NXF1: variants seen among roughly 807,000 people sequenced by gnomAD.
NXF1 encodes the protein nuclear RNA export factor 1, also known as mRNA export factor TAP.
A neutral mutation model predicts 92.4 loss-of-function variants in NXF1; 43 were observed. That is an observed-to-expected ratio of 0.47 (90% CI 0.36 to 0.60). The LOEUF (loss-of-function observed/expected upper bound fraction) is 0.60, where lower values mean the gene tolerates loss of function less well. NXF1 is among the 20% of genes least tolerant of loss of function. NXF1 has a pLI of 0.00. For synonymous variants in NXF1, 288 were observed against 292.2 expected (o/e 0.99, Z 0.15); for missense variants, 576 against 793.0 (o/e 0.73, Z 3.29).
At chr11:62,799,443 G>A (rs2084455759) in intron 10 of NXF1, 2 of 985,630 alleles carry the variant, frequency 2.0e-6, no homozygotes, top group African/African-American at 1.7e-5. Flanking sequence ...GAGGGTTCAG[G>A]CCCCTGTAGG....
chr11:62,797,672 C>CAA (rs1232787499), intron 11 of NXF1, among the ~76,000 whole-genome samples: 2 of 152,150 alleles, frequency 1.3e-5, no homozygotes, highest in Non-Finnish European at 2.9e-5. Context: ...TGCCACTGCA[C>CAA]TCCAGCCTGG....
Position 62,802,013 on chromosome 11 carries a change from C to G in NXF1, c.487G>C (p.Val163Leu). Residue 163 changes from valine (V) to leucine (L), a missense_variant, in exon 5 of 21, where the codon GTT becomes CTT. Transcript: ENST00000294172. Reference sequence around the variant, plus strand: ...GCAGAGGCAGTACTGGCGTCTTCAACGAAGAACTGGGCCCGTGTATTCTCA... The same window carrying G: ...GCAGAGGCAGTACTGGCGTCTTCAAGGAAGAACTGGGCCCGTGTATTCTCA... ...HYENTRAQFF[V>L]EDASTASALK... The G allele has an allele frequency of 6.2e-7, 1 of 1,614,208 alleles. No homozygotes were observed. The highest frequency in any genetic ancestry group is 8.5e-7 in the Non-Finnish European group (1 of 1,180,028).
At position 62,801,649 on chromosome 11, in the gene NXF1, G is replaced by GT; in HGVS notation, c.640-19dup. 6.2e-7 allele frequency: 1 copy of GT among 1,613,916 alleles called. No homozygotes were observed. The highest frequency in any genetic ancestry group is 8.5e-7 in the Non-Finnish European group (1 of 1,179,844). On this transcript the variant is annotated intron_variant, in intron 6 of 20. Coordinates refer to ENST00000294172, the MANE Select transcript of NXF1 (RefSeq NM_006362.5). ...ATGATCAGCTAGAGGAAAAAGAAGGGTTTAGTGGTCACTGGGTTTGTGTGT... is the reference window on the plus strand; with the variant it reads ...ATGATCAGCTAGAGGAAAAAGAAGGGTTTTAGTGGTCACTGGGTTTGTGTGT...
chr11:62,801,046 A>G (rs1210953627), intron 9 of NXF1, 48 bp downstream of exon 9: 1 of 1,394,788 alleles, frequency 7.2e-7, no homozygotes, highest in African/African-American at 1.4e-5. Context: ...AACTCTCTAC[A>G]CCCTCTACCC....
chr11:62,802,107 G>A (rs549084120), intron 4 of NXF1, 61 bp from the exon 5 acceptor site: 32 of 1,605,792 alleles, frequency 2.0e-5, no homozygotes, highest in Non-Finnish European at 2.5e-5. Flanking sequence ...GGGGCATTAC[G>A]CTGGGAGTCC....
Position 62,800,495 on chromosome 11 carries a change from G to A in NXF1, c.907-9C>T. On this transcript the variant is annotated splice_polypyrimidine_tract_variant and intron_variant, in intron 9 of 20. Transcript: ENST00000294172. ...TCCCGCTCAGACTTCAACTGCAAAG[G>A]GTGGAAGGAACAAAGGGAGGAGACC... 6.2e-7 allele frequency: 1 copy of A among 1,606,554 alleles called. No individual in the cohort carries two copies. The highest frequency in any genetic ancestry group is 8.5e-7 in the Non-Finnish European group (1 of 1,174,358).
In NXF1 at chr11:62,792,265, A is replaced by AACT; in HGVS notation, c.*210_*211insAGT. On this transcript the variant is annotated 3_prime_UTR_variant, in exon 21 of 21. Transcript: ENST00000294172. Reference sequence around the variant, plus strand: ...TCGGGTAGTTTAGTGTCAGTTCTACAAAGTAAGCTTTGGCTTCCTGGCACC... The same window carrying AACT: ...TCGGGTAGTTTAGTGTCAGTTCTACAACTAAGTAAGCTTTGGCTTCCTGGCACC... The AACT allele has an allele frequency of 1.4e-6, 1 of 723,570 alleles. No individual in the cohort carries two copies. Among genetic ancestry groups the AACT allele is most frequent in the Non-Finnish European group, 2.4e-6 (1 of 421,466 alleles). 44.8% of individuals were successfully genotyped at this position (723,570 alleles called of 1,614,324 possible).
At chr11:62,798,374 C>T (rs1032692987) in intron 11 of NXF1, among the ~76,000 whole-genome samples, 165 bp downstream of exon 11, 14 of 150,392 alleles carry the variant, frequency 9.3e-5, no homozygotes, top group African/African-American at 2.7e-4. Context: ...GCAGAGGTTG[C>T]GGTGAGCTGA....
chr11:62,792,809 A>G (rs1229073979), intron 19 of NXF1, 108 bp from the exon 20 acceptor site: 3 of 891,112 alleles, frequency 3.4e-6, no homozygotes, highest in Non-Finnish European at 5.5e-6. Flanking sequence ...GTACATTCTT[A>G]TACATCCTTG....
At position 62,794,917 on chromosome 11, in the gene NXF1, G is replaced by A. The variant is rs770700366; in HGVS notation, c.1577+18C>T. 17 of 1,612,570 alleles carry A rather than the reference G, an allele frequency of 1.1e-5. No individual in the cohort carries two copies. The highest frequency in any genetic ancestry group is 1.4e-5 in the Non-Finnish European group (16 of 1,178,616). On this transcript the variant is annotated intron_variant, in intron 18 of 20. Transcript: ENST00000294172. ...ATGGATTAGGACTGGTATCCAATGCGAAAAGCAGAATACTTACCCTGAATT... is the reference window on the plus strand; with the variant it reads ...ATGGATTAGGACTGGTATCCAATGCAAAAAGCAGAATACTTACCCTGAATT...
At chr11:62,800,031 A>G in intron 10 of NXF1, 1 of 1,056,926 alleles carries the variant, frequency 9.5e-7, no homozygotes, top group South Asian at 3.7e-5. Flanking sequence ...AGGCAACCCC[A>G]TCTATAGGGT....
rs754378828 is a variant in NXF1, at chr11:62,792,444, CA to C, written c.*31del. On this transcript the variant is annotated 3_prime_UTR_variant, in exon 21 of 21. Transcript: ENST00000294172. ...GACGGTAATATCCAAGGACTATTTA[CA>C]GGGGGGACTGCTTCTGAGGCATGAC... 6.2e-7 allele frequency: 1 copy of C among 1,613,702 alleles called. No homozygotes were observed. Among genetic ancestry groups the C allele is most frequent in the African/African-American group, 1.3e-5 (1 of 75,020 alleles).
In NXF1 at chr11:62,805,352, G is replaced by C. The variant is rs1435049468; in HGVS notation, c.5C>G (p.Ala2Gly). The C allele has an allele frequency of 6.2e-7, 1 of 1,610,986 alleles. No homozygotes were observed. The highest frequency in any genetic ancestry group is 8.5e-7 in the Non-Finnish European group (1 of 1,178,774). ...ACCGCTGTACGACTTCCCCTCGTCC[G>C]CCATGCCACAGCGAAGATCAAGGGC... M[A>G]DEGKSYSEHD... The change falls in exon 1 of 21, where the codon GCG (alanine) becomes GGG (glycine). Residue 2 changes from alanine (A) to glycine (G), a missense_variant. Coordinates refer to ENST00000294172, the MANE Select transcript of NXF1 (RefSeq NM_006362.5).
chr11:62,794,256 A>T lies in NXF1; in HGVS notation c.1760+2T>A. On this transcript the variant is annotated splice_donor_variant, in intron 19 of 20. Transcript: ENST00000294172. LOFTEE classifies it high-confidence loss of function. Reference sequence around the variant, plus strand: ...CCCATCCTACACATGCCCCGCACTCACTTCTGGGACCACTCGAGGTTCATG... The same window carrying T: ...CCCATCCTACACATGCCCCGCACTCTCTTCTGGGACCACTCGAGGTTCATG... 1 of 1,609,720 alleles carries T rather than the reference A, an allele frequency of 6.2e-7. No individual in the cohort carries two copies. Among genetic ancestry groups the T allele is most frequent in the Non-Finnish European group, 8.5e-7 (1 of 1,176,370 alleles).
intron 1 of NXF1, chr11:62,804,222 G>A: frequency 6.7e-7 from 1 of 1,484,764 alleles, no homozygotes. Context: ...TGGAATTAGA[G>A]AGAAGCAGGA....
chr11:62,797,625 G>A (rs1406289060), intron 11 of NXF1, among the ~76,000 whole-genome samples: 9 of 152,150 alleles, frequency 5.9e-5, no homozygotes, highest in Admixed American at 5.9e-4. Context: ...AGGATCACTT[G>A]AGCCTGGCAG....
At chr11:62,797,938 G>A (rs568246369) in intron 11 of NXF1, among the ~76,000 whole-genome samples, 6 of 152,012 alleles carry the variant, frequency 3.9e-5, no homozygotes, top group Non-Finnish European at 8.8e-5. Context: ...GACCATCCTG[G>A]CCAACAAGAT....
chr11:62,797,091 A>G, intron 13 of NXF1, 92 bp downstream of exon 13: 1 of 1,211,984 alleles, frequency 8.3e-7, no homozygotes, highest in Non-Finnish European at 1.2e-6. Context: ...AAACAAAACA[A>G]AAAACAAAAC....
rs765158791 is a variant in NXF1, at chr11:62,797,311, T to C, written c.1122+7A>G. ...ACACAAGTTCTTACTCTGTCCATGCTTCCTACCTTGCAGGGCGGTAACGTC... is the reference window on the plus strand; with the variant it reads ...ACACAAGTTCTTACTCTGTCCATGCCTCCTACCTTGCAGGGCGGTAACGTC... On this transcript the variant is annotated splice_region_variant and intron_variant, in intron 12 of 20. Transcript: ENST00000294172. 5 of 1,614,048 alleles carry C rather than the reference T, an allele frequency of 3.1e-6. No homozygotes were observed. In the Admixed American group the frequency reaches 6.7e-5, roughly 22 times the overall value.
Sources: allele counts gnomAD v4.1 joint callset (sites outside exome capture counted in the v4.1 genomes callset), GRCh38; gene constraint gnomAD v4.1.1; transcripts MANE v1.5; gene names NCBI Gene and HGNC (gene_info 2026-07-23, HGNC 2026-07-21).